NRG3: variants seen among roughly 807,000 people sequenced by gnomAD.
The protein encoded by NRG3 is pro-neuregulin-3, membrane-bound isoform.
Under a neutral mutation model 66.9 loss-of-function variants are expected in NRG3, and 31 were observed. The observed-to-expected ratio is 0.46, with a 90% CI of 0.35 to 0.63. NRG3 has a LOEUF of 0.63. Ranked by LOEUF, NRG3 falls within the 20% of genes least tolerant of loss-of-function variation. NRG3 has a pLI of 0.00. For missense variants in NRG3, 910 were observed against 878.9 expected (o/e 1.04, Z -0.45); for synonymous variants, 393 against 359.4 (o/e 1.09, Z -1.06).
chr10:81,961,720 G>A lies in NRG3; in HGVS notation c.823+85557G>A, dbSNP rs74922161. Among the ~76,000 whole-genome samples, 160 of 152,368 alleles carry A rather than the reference G, an allele frequency of 1.1e-3. 2 individuals carry two copies. The East Asian group carries it at 0.029, about 28-fold the overall frequency. On this transcript the variant is annotated intron_variant, in intron 1 of 8. Coordinates refer to ENST00000372141, the MANE Select transcript of NRG3 (RefSeq NM_001010848.4). Reference sequence around the variant, plus strand: ...GCCAGCTGTTCTTTGTAAAAGGTCTGTGATAAAATTTGATATAATTCAGCA... The same window carrying A: ...GCCAGCTGTTCTTTGTAAAAGGTCTATGATAAAATTTGATATAATTCAGCA...
At chr10:81,916,323 G>C (rs1413139158) in intron 1 of NRG3, among the ~76,000 whole-genome samples, 2 of 152,134 alleles carry the variant, frequency 1.3e-5, no homozygotes, top group Non-Finnish European at 2.9e-5. Flanking sequence ...CTACATTTTG[G>C]TTATATAACC....
At chr10:82,612,030 T>G (rs1409661013) in intron 2 of NRG3, among the ~76,000 whole-genome samples, 1 of 152,186 alleles carries the variant, frequency 6.6e-6, no homozygotes, top group Non-Finnish European at 1.5e-5. Context: ...GATGATGAGC[T>G]TTTTTTCATG....
At chr10:82,610,999 AT>A (rs1260914730) in intron 2 of NRG3, among the ~76,000 whole-genome samples, 2 of 152,104 alleles carry the variant, frequency 1.3e-5, no homozygotes. Context: ...AAATATAAAT[AT>A]TTTAATGATT....
intron 2 of NRG3, among the ~76,000 whole-genome samples, chr10:82,380,934 A>G (rs2085575490): frequency 6.6e-6 from 1 of 152,174 alleles, no homozygotes; most frequent in Non-Finnish European, 1.5e-5. Flanking sequence ...TTACATTCAT[A>G]CAATGGAATG....
At position 82,843,303 on chromosome 10, in the gene NRG3, A is replaced by C. The variant is rs2063151920; in HGVS notation, c.1028-22108A>C. The C allele has an allele frequency of 2.0e-5, 9 of 448,624 alleles. No homozygotes were observed. In the Middle Eastern group the frequency reaches 3.0e-3, roughly 148 times the overall value. The allele number at this position is 448,624 out of a possible 1,614,324, so 27.8% of individuals were successfully genotyped here. A position where few individuals can be genotyped will look rare whatever the true frequency, so the allele number is the denominator to read the frequency against. On this transcript the variant is annotated intron_variant, in intron 3 of 8. Transcript: ENST00000372141. ...TATGGGTGGGACGGGTGTCATTCTC[A>C]AAGGACAATTTAGCTCCCTTTGCTC... is the stretch of plus-strand genomic sequence containing the variant.
At chr10:82,240,420 A>T (rs187197753) in intron 1 of NRG3, among the ~76,000 whole-genome samples, 3 of 152,332 alleles carry the variant, frequency 2.0e-5, no homozygotes, top group Non-Finnish European at 2.9e-5. Context: ...TTTTAATAGA[A>T]TTATTTTCCA....
intron 1 of NRG3, among the ~76,000 whole-genome samples, chr10:82,134,627 T>C (rs1233758369): frequency 6.6e-6 from 1 of 152,134 alleles, no homozygotes; most frequent in Non-Finnish European, 1.5e-5. Context: ...TGTGCCTGTT[T>C]TTGCATCAGT....
chr10:82,784,220 A>T (rs1382757319), intron 3 of NRG3, among the ~76,000 whole-genome samples: 2 of 152,096 alleles, frequency 1.3e-5, no homozygotes, highest in African/African-American at 4.8e-5. Context: ...AGATGGATTA[A>T]AGACTTAAAC....
At chr10:82,682,712 A>C (rs554119602) in intron 2 of NRG3, among the ~76,000 whole-genome samples, 2 of 152,182 alleles carry the variant, frequency 1.3e-5, no homozygotes, top group Non-Finnish European at 2.9e-5. Flanking sequence ...TTTATTCACC[A>C]GTCCTTTGAT....
intron 4 of NRG3, among the ~76,000 whole-genome samples, chr10:82,930,266 A>C (rs1295626894): frequency 6.6e-6 from 1 of 152,226 alleles, no homozygotes; most frequent in African/African-American, 2.4e-5. Context: ...TTTGCAGTGT[A>C]GCTGGTAATA....
At chr10:82,872,729 T>A (rs1166027267) in intron 4 of NRG3, among the ~76,000 whole-genome samples, 1 of 144,136 alleles carries the variant, frequency 6.9e-6, no homozygotes, top group Non-Finnish European at 1.5e-5. Context: ...CAAGATACGA[T>A]ATGAAAAAAA....
intron 2 of NRG3, among the ~76,000 whole-genome samples, chr10:82,601,174 T>G (rs1347278998): frequency 2.6e-5 from 4 of 152,232 alleles, no homozygotes; most frequent in African/African-American, 9.6e-5. Context: ...TGTACCACAT[T>G]GTTTTCATTC....
intron 2 of NRG3, among the ~76,000 whole-genome samples, chr10:82,453,528 C>T (rs1395441928): frequency 6.6e-6 from 1 of 152,116 alleles, no homozygotes; most frequent in South Asian, 2.1e-4. Context: ...CAACCAAAGA[C>T]AATACCTAAA....
At chr10:82,946,335 T>C (rs1849017638) in intron 4 of NRG3, among the ~76,000 whole-genome samples, 1 of 151,226 alleles carries the variant, frequency 6.6e-6, no homozygotes, top group African/African-American at 2.4e-5. Flanking sequence ...GGTCAAGAGA[T>C]CGAGACTAGC....
At chr10:81,970,265 T>A (rs7076566) in intron 1 of NRG3, among the ~76,000 whole-genome samples, 68,605 of 152,016 alleles carry the variant, frequency 0.45, 19,428 homozygotes, top group East Asian at 0.77. Flanking sequence ...GTACCTGGCA[T>A]TTACTGGTAA....
chr10:82,099,242 A>G (rs984118383), intron 1 of NRG3, among the ~76,000 whole-genome samples: 3 of 152,204 alleles, frequency 2.0e-5, no homozygotes, highest in Admixed American at 6.5e-5. Flanking sequence ...ACTTACAACT[A>G]TCAAAAATTT....
At chr10:82,096,861 G>A (rs1435542364) in intron 1 of NRG3, among the ~76,000 whole-genome samples, 1 of 152,000 alleles carries the variant, frequency 6.6e-6, no homozygotes, top group Non-Finnish European at 1.5e-5. Context: ...ATTGCAAAAG[G>A]TATTAAAATA....
intron 1 of NRG3, among the ~76,000 whole-genome samples, chr10:82,029,463 A>G (rs2062465290): frequency 6.6e-6 from 1 of 152,072 alleles, no homozygotes; most frequent in South Asian, 2.1e-4. Context: ...TTGCAATATG[A>G]TAGTTGAAAG....
At chr10:82,785,595 A>G (rs2060324869) in intron 3 of NRG3, among the ~76,000 whole-genome samples, 1 of 152,156 alleles carries the variant, frequency 6.6e-6, no homozygotes, top group Non-Finnish European at 1.5e-5. Context: ...TGGTGGAATT[A>G]TGTCTGTGTC....
Sources: gnomAD v4.1 joint callset for allele counts (sites outside exome capture counted in the v4.1 genomes callset) on GRCh38, gnomAD v4.1.1 for gene constraint, MANE v1.5 for transcripts, NCBI Gene and HGNC (gene_info 2026-07-23, HGNC 2026-07-21) for gene names.